Variants in EML1 observed in about 807,000 individuals in gnomAD.
The protein encoded by EML1 is EMAP like 1, also known as echinoderm microtubule-associated protein-like 1.
In EML1, 27 loss-of-function variants were observed where a neutral mutation model predicts 110.4. That is an observed-to-expected ratio of 0.24 (90% CI 0.18 to 0.34). The LOEUF is 0.34. Among genes scored for constraint, EML1 ranks in the 10% least tolerant of loss-of-function variants. The pLI is 1.00. For missense variants in EML1, 741 were observed against 1,030.9 expected, an observed-to-expected ratio of 0.72 and a Z score of 3.85; for synonymous variants, 344 against 385.8, an observed-to-expected ratio of 0.89 and a Z score of 1.27.
chr14:99,749,059 A>G (rs2057145576), intron 1 of EML1, among the ~76,000 whole-genome samples: 1 of 152,192 alleles, frequency 6.6e-6, no homozygotes, highest in African/African-American at 2.4e-5. Context: ...TCTGTTCACC[A>G]GTGGACGGGC....
intron 2 of EML1, among the ~76,000 whole-genome samples, chr14:99,859,582 G>T (rs1246065000): frequency 6.6e-6 from 1 of 152,170 alleles, no homozygotes; most frequent in Non-Finnish European, 1.5e-5. Context: ...ACCTGGCTAG[G>T]TGGGGACACA....
intron 1 of EML1, among the ~76,000 whole-genome samples, chr14:99,836,083 A>G (rs1035100953): frequency 1.3e-5 from 2 of 152,198 alleles, no homozygotes; most frequent in African/African-American, 4.8e-5. Context: ...TGCTGGAATT[A>G]TGATTGGGAA....
chr14:99,851,559 G>A (rs1440695534), intron 2 of EML1, among the ~76,000 whole-genome samples: 2 of 151,962 alleles, frequency 1.3e-5, no homozygotes, highest in Admixed American at 6.6e-5. Context: ...CGCCCGCCTC[G>A]GCCTCCCAAA....
At chr14:99,865,172 C>G (rs1012134053) in intron 2 of EML1, among the ~76,000 whole-genome samples, 111 of 152,276 alleles carry the variant, frequency 7.3e-4, no homozygotes, top group Non-Finnish European at 4.3e-4. Flanking sequence ...TGTTTTCCTG[C>G]AACCAGATAG....
At chr14:99,865,071 T>C (rs552990774) in intron 2 of EML1, among the ~76,000 whole-genome samples, 2 of 152,308 alleles carry the variant, frequency 1.3e-5, no homozygotes, top group Admixed American at 1.3e-4. Context: ...TATTATTTAT[T>C]GTGTACCTTC....
chr14:99,856,923 A>G (rs1448136093), intron 2 of EML1, among the ~76,000 whole-genome samples: 4 of 152,222 alleles, frequency 2.6e-5, no homozygotes, highest in Non-Finnish European at 5.9e-5. Flanking sequence ...AAGACGCTAT[A>G]TCATTTTATC....
In EML1 at chr14:99,905,564, G is replaced by A. The variant is rs755430584; in HGVS notation, c.1009-2074G>A. Among the ~76,000 whole-genome samples the A allele has an allele frequency of 4.6e-5, 7 of 152,208 alleles. No homozygotes were observed. The highest frequency in any genetic ancestry group is 4.1e-4 in the South Asian group (2 of 4,832). ...CGAAGGGATCTTTCCCAGCAGTCCC[G>A]TCAGCTCTTAAATTTCCCCTTTTGG... On this transcript the variant is annotated intron_variant, in intron 9 of 21. Coordinates refer to ENST00000262233, the MANE Select transcript of EML1 (RefSeq NM_004434.3). This position sits in a 1 kb window ranked among gnomAD's most constrained non-coding sequence, Gnocchi z 4.1.
At chr14:99,863,488 G>C (rs940786543) in intron 2 of EML1, among the ~76,000 whole-genome samples, 2 of 152,126 alleles carry the variant, frequency 1.3e-5, no homozygotes, top group African/African-American at 4.8e-5. Context: ...TATCACCCTA[G>C]AAGACTTCCT....
At chr14:99,775,593 T>G (rs1048821353) in intron 1 of EML1, among the ~76,000 whole-genome samples, 28 of 152,332 alleles carry the variant, frequency 1.8e-4, no homozygotes, top group Non-Finnish European at 3.5e-4. Context: ...GGCAGGCCCA[T>G]GGGCTGGGTT....
chr14:99,772,081 G>C (rs147946004), upstream of EML1, among the ~76,000 whole-genome samples: 2 of 152,332 alleles, frequency 1.3e-5, no homozygotes, highest in Non-Finnish European at 2.9e-5. Context: ...TGAGTGGAGT[G>C]ATTTCGGATT....
intron 1 of EML1, among the ~76,000 whole-genome samples, chr14:99,834,668 T>C (rs1023872717): frequency 1.3e-5 from 2 of 152,214 alleles, no homozygotes; most frequent in African/African-American, 4.8e-5. Flanking sequence ...ATTTTGATAT[T>C]AGAGTAATGC....
At chr14:99,785,310 C>T (rs1051235658) in intron 1 of EML1, among the ~76,000 whole-genome samples, 8 of 152,204 alleles carry the variant, frequency 5.3e-5, no homozygotes, top group Admixed American at 3.9e-4. Flanking sequence ...CTGCCTTGGC[C>T]TCCCAAAGTG....
At chr14:99,935,530 T>A (rs1363649485) in intron 17 of EML1, among the ~76,000 whole-genome samples, 1 of 151,886 alleles carries the variant, frequency 6.6e-6, no homozygotes, top group African/African-American at 2.4e-5. Context: ...CACACCTTAA[T>A]CCCAGCACTT....
At chr14:99,737,729 G>C (rs963172748) in exon 1 of EML1, 1 of 1,208,772 alleles carries the variant, frequency 8.3e-7, no homozygotes, top group East Asian at 5.9e-5. Flanking sequence ...GCTGCCTGGG[G>C]CTGGACGCGG....
intron 2 of EML1, among the ~76,000 whole-genome samples, chr14:99,853,644 G>A (rs1047659085): frequency 6.6e-6 from 1 of 152,144 alleles, no homozygotes; most frequent in Non-Finnish European, 1.5e-5. Context: ...TGCTCATATA[G>A]ACTTGAAGTA....
chr14:99,858,205 C>T (rs56010728), intron 2 of EML1, among the ~76,000 whole-genome samples: 8,610 of 143,528 alleles, frequency 0.06, 831 homozygotes, highest in African/African-American at 0.21. Context: ...TTTTTTTAGG[C>T]AGAGTTTTTG....
At chr14:99,852,378 G>A (rs1388759902) in intron 2 of EML1, among the ~76,000 whole-genome samples, 1 of 152,214 alleles carries the variant, frequency 6.6e-6, no homozygotes, top group Non-Finnish European at 1.5e-5. Context: ...ACTTTGGAAG[G>A]CTGAGGCGGT....
intron 2 of EML1, among the ~76,000 whole-genome samples, chr14:99,857,616 T>C (rs1229281786): frequency 6.6e-6 from 1 of 152,224 alleles, no homozygotes; most frequent in Non-Finnish European, 1.5e-5. Context: ...ACTGCTAGTC[T>C]ACATCATGTC....
chr14:99,805,417 C>T (rs1360230094), intron 1 of EML1, among the ~76,000 whole-genome samples: 1 of 152,176 alleles, frequency 6.6e-6, no homozygotes, highest in Non-Finnish European at 1.5e-5. Flanking sequence ...AGTTGTAGTT[C>T]TTTCAGTGTT....
Sources: gnomAD v4.1 joint callset for allele counts (sites outside exome capture counted in the v4.1 genomes callset) on GRCh38, gnomAD v4.1.1 for gene constraint, Gnocchi (gnomAD v3.1) non-coding constraint, MANE v1.5 for transcripts, NCBI Gene and HGNC (gene_info 2026-07-23, HGNC 2026-07-21) for gene names.